ABCC11: variants seen among roughly 807,000 people sequenced by gnomAD.
ABCC11 encodes the protein ATP-binding cassette sub-family C member 11.
Under a neutral mutation model 149.3 loss-of-function variants are expected in ABCC11, and 135 were observed. The observed-to-expected ratio is 0.90, with a 90% CI of 0.79 to 1.04. The LOEUF (loss-of-function observed/expected upper bound fraction) is 1.04. Ranked by LOEUF, ABCC11 falls within the 50% of genes least tolerant of loss-of-function variation. The probability of loss-of-function intolerance (pLI) is 0.00; values close to 1 mark genes in which losing one functional copy is unlikely to be tolerated. For missense variants in ABCC11, 1,680 were observed against 1,722.1 expected, an observed-to-expected ratio of 0.98 and a Z score of 0.43; for synonymous variants, 665 against 671.4, an observed-to-expected ratio of 0.99 and a Z score of 0.15.
intron 1 of ABCC11, among the ~76,000 whole-genome samples, chr16:48,237,197 G>A (rs201690407): frequency 5.9e-5 from 9 of 152,142 alleles, no homozygotes; most frequent in African/African-American, 1.9e-4. Flanking sequence ...AAAGGTAAGC[G>A]CTTGGGAATC....
chr16:48,197,016 G>T (rs1374379628), intron 17 of ABCC11, among the ~76,000 whole-genome samples: 3 of 146,898 alleles, frequency 2.0e-5, no homozygotes, highest in African/African-American at 7.5e-5. Flanking sequence ...TTTTTGAGTA[G>T]GTTTTCTTCA....
intron 9 of ABCC11, among the ~76,000 whole-genome samples, chr16:48,213,973 G>A (rs1441668732): frequency 6.6e-6 from 1 of 152,150 alleles, no homozygotes; most frequent in East Asian, 1.9e-4. Flanking sequence ...TGCCTTAGAT[G>A]TTTGTTTTCT....
chr16:48,237,519 T>C (rs1325578377), intron 1 of ABCC11, among the ~76,000 whole-genome samples: 2 of 152,252 alleles, frequency 1.3e-5, no homozygotes, highest in Admixed American at 1.3e-4. Flanking sequence ...ACCTCCTGAC[T>C]GGCCTCCCTG....
Position 48,206,981 on chromosome 16 carries a change from G to C in ABCC11, c.1680+1444C>G, listed in dbSNP as rs185963021. ...AATGGAGTCTTTCTTCTTTGCAGTT[G>C]CAAAGAAACCGGGGAAAGGCCATTC... On this transcript the variant is annotated intron_variant, in intron 12 of 29. Coordinates refer to ENST00000356608, the MANE Select transcript of ABCC11 (RefSeq NM_001370497.1). 2.5e-3 allele frequency among the ~76,000 whole-genome samples: 377 copies of C among 152,266 alleles called. 4 individuals carry two copies. The highest frequency in any genetic ancestry group is 1.5e-3 in the East Asian group (8 of 5,184).
chr16:48,194,384 T>C (rs1967200159), intron 18 of ABCC11, among the ~76,000 whole-genome samples: 1 of 152,234 alleles, frequency 6.6e-6, no homozygotes, highest in Admixed American at 6.5e-5. Context: ...GGTTCAGTTT[T>C]ATAAATAATA....
rs138828456 is a variant in ABCC11, at chr16:48,238,885, C to T, written c.-18-6946G>A. Among the ~76,000 whole-genome samples, 592 of 136,012 alleles carry T rather than the reference C, an allele frequency of 4.4e-3. 7 individuals carry two copies. Among genetic ancestry groups the T allele is most frequent in the African/African-American group, 0.016 (564 of 35,328 alleles). 89.2% of individuals were successfully genotyped at this position (136,012 alleles called of 152,430 possible). A position where few individuals can be genotyped will look rare whatever the true frequency, so the allele number is the denominator to read the frequency against. On this transcript the variant is annotated intron_variant, in intron 1 of 29. Coordinates refer to ENST00000356608, the MANE Select transcript of ABCC11 (RefSeq NM_001370497.1). ...CTGGGAGGCAGAGCTTGCAGTGAGC[C>T]GAGATCTCGCCACTACACTCCAGCC...
chr16:48,244,431 C>T (rs1288244609), intron 1 of ABCC11: 1 of 1,590,012 alleles, frequency 6.3e-7, no homozygotes, highest in Admixed American at 1.7e-5. Flanking sequence ...TCGCCTCCCG[C>T]TGCTGCTCAC....
In ABCC11 at chr16:48,230,483, A is replaced by G. The variant is rs748710748; in HGVS notation, c.190T>C (p.Tyr64His). The change falls in exon 3 of 30, where the codon TAT (tyrosine) becomes CAT (histidine). Residue 64 changes from tyrosine (Y) to histidine (H), a missense_variant. By Grantham distance (83) the Tyr-to-His change is moderately conservative (BLOSUM62 2). Coordinates refer to ENST00000356608, the MANE Select transcript of ABCC11 (RefSeq NM_001370497.1). ...ATCATGGTTCTCAAGGCAGCATCATACTTCCCCCACGGTGGGACAGCTGCC... is the reference window on the plus strand; with the variant it reads ...ATCATGGTTCTCAAGGCAGCATCATGCTTCCCCCACGGTGGGACAGCTGCC... ...GRAAVPPWGK[Y>H]DAALRTMIPF... 2.5e-6 allele frequency: 4 copies of G among 1,612,476 alleles called. No homozygotes were observed. The South Asian group carries it at 4.4e-5, about 18-fold the overall frequency.
At chr16:48,215,868 C>T (rs116428577) in intron 7 of ABCC11, among the ~76,000 whole-genome samples, 3 of 152,274 alleles carry the variant, frequency 2.0e-5, no homozygotes, top group African/African-American at 4.8e-5. Context: ...GGAAAGTTGT[C>T]GAAGCAGATA....
chr16:48,186,041 A>G (rs543778001), intron 22 of ABCC11, among the ~76,000 whole-genome samples: 67 of 152,280 alleles, frequency 4.4e-4, no homozygotes, highest in African/African-American at 1.4e-3. Context: ...TTATCTTAGT[A>G]TATACCTTGG....
At chr16:48,239,642 C>T (rs1763113526) in intron 1 of ABCC11, among the ~76,000 whole-genome samples, 1 of 144,424 alleles carries the variant, frequency 6.9e-6, no homozygotes, top group Non-Finnish European at 1.5e-5. Flanking sequence ...ATGAAAACAA[C>T]AAAAGCAATT....
chr16:48,186,257 C>T (rs938194477), intron 22 of ABCC11, among the ~76,000 whole-genome samples: 1 of 152,216 alleles, frequency 6.6e-6, no homozygotes, highest in African/African-American at 2.4e-5. Context: ...CAGATGCCAC[C>T]TCCTCCCGAA....
chr16:48,245,462 T>C (rs1260967532), intron 1 of ABCC11, among the ~76,000 whole-genome samples: 1 of 152,244 alleles, frequency 6.6e-6, no homozygotes, highest in Non-Finnish European at 1.5e-5. Flanking sequence ...TATTCCACTT[T>C]GCACCATGCA....
intron 14 of ABCC11, among the ~76,000 whole-genome samples, chr16:48,202,694 G>C (rs1450366783): frequency 6.6e-6 from 1 of 151,878 alleles, no homozygotes; most frequent in Admixed American, 6.6e-5. Context: ...TCTCACCTAA[G>C]ACACTACATT....
intron 12 of ABCC11, among the ~76,000 whole-genome samples, chr16:48,207,331 G>T (rs747409321): frequency 4.6e-5 from 7 of 152,132 alleles, no homozygotes; most frequent in Non-Finnish European, 1.0e-4. Flanking sequence ...TGTGCAGTGT[G>T]ACCCCAAAGG....
At chr16:48,205,607 A>C in intron 12 of ABCC11, 70 bp from the exon 13 acceptor site, 1 of 1,577,370 alleles carries the variant, frequency 6.3e-7, no homozygotes, top group South Asian at 1.2e-5. Flanking sequence ...CTCAGCAGGC[A>C]CAGTGCCCAG....
At chr16:48,217,244 A>G (rs1334511353) in intron 6 of ABCC11, among the ~76,000 whole-genome samples, 1 of 151,932 alleles carries the variant, frequency 6.6e-6, no homozygotes, top group Non-Finnish European at 1.5e-5. Flanking sequence ...TATTAATTAA[A>G]TTTTCTCCTT....
At chr16:48,176,022 G>A (rs1190722084) in intron 25 of ABCC11, 1 of 152,264 alleles carries the variant, frequency 6.6e-6, no homozygotes, top group Non-Finnish European at 1.5e-5. Flanking sequence ...CAGGCACATA[G>A]TAGGTGCTCA....
chr16:48,229,672 G>A (rs912117658), intron 3 of ABCC11, among the ~76,000 whole-genome samples: 1 of 151,720 alleles, frequency 6.6e-6, no homozygotes, highest in African/African-American at 2.4e-5. Context: ...CACCTTGTTA[G>A]CCAGGATGGT....
Sources: gnomAD v4.1 joint callset for allele counts (sites outside exome capture counted in the v4.1 genomes callset) on GRCh38, gnomAD v4.1.1 for gene constraint, MANE v1.5 for transcripts, NCBI Gene and HGNC (gene_info 2026-07-23, HGNC 2026-07-21) for gene names.